The following CACNA2D4 variants were observed in gnomAD, a reference collection of about 807,000 sequenced individuals.
The protein encoded by CACNA2D4 is calcium voltage-gated channel auxiliary subunit alpha2delta 4.
In CACNA2D4, 157 loss-of-function variants were observed where a neutral mutation model predicts 163.8. That is an observed-to-expected ratio of 0.96 (90% CI 0.84 to 1.09). The LOEUF is 1.09. CACNA2D4 is among the 50% of genes least tolerant of loss of function. The pLI is 0.00. For synonymous variants in CACNA2D4, 598 were observed against 586.9 expected (o/e 1.02, Z -0.27); for missense variants, 1,410 against 1,479.9 (o/e 0.95, Z 0.78).
At chr12:1,886,091 G>T in intron 8 of CACNA2D4, 52 bp from the exon 9 acceptor site, 9 of 1,558,270 alleles carry the variant, frequency 5.8e-6, no homozygotes, top group Non-Finnish European at 8.0e-6. Flanking sequence ...ACAGCATCAG[G>T]TTGCAAAGTC....
Position 1,833,132 on chromosome 12 carries a change from C to T in CACNA2D4, c.2551+7607G>A, listed in dbSNP as rs1001581618. 7.2e-5 allele frequency among the ~76,000 whole-genome samples: 11 copies of T among 152,184 alleles called. No homozygotes were observed. The highest frequency in any genetic ancestry group is 1.3e-4 in the Non-Finnish European group (9 of 68,026). On this transcript the variant is annotated intron_variant, in intron 26 of 37. Transcript: ENST00000382722. This position sits in a 1 kb window ranked among gnomAD's most constrained non-coding sequence, Gnocchi z 4.2. ...TGCAGTTTTCAGACTTTTTCAATAG[C>T]GGAGTTGCTTTCAACATTGCATTTC...
intron 6 of CACNA2D4, among the ~76,000 whole-genome samples, chr12:1,893,404 A>G (rs974318017): frequency 6.6e-6 from 1 of 152,160 alleles, no homozygotes; most frequent in African/African-American, 2.4e-5. Flanking sequence ...CTGTAATCCC[A>G]GCTACTTGGG....
At chr12:1,847,596 AC>A (rs1271005255) in intron 23 of CACNA2D4, among the ~76,000 whole-genome samples, 2 of 152,174 alleles carry the variant, frequency 1.3e-5, no homozygotes, top group African/African-American at 2.4e-5. Context: ...CTCGAGCTGC[AC>A]AGAGCCCTGC....
At chr12:1,840,089 G>T (rs1332517917) in intron 26 of CACNA2D4, among the ~76,000 whole-genome samples, 1 of 152,168 alleles carries the variant, frequency 6.6e-6, no homozygotes, top group South Asian at 2.1e-4. Flanking sequence ...AGCGCACTCT[G>T]GTTGAACAGG....
intron 6 of CACNA2D4, among the ~76,000 whole-genome samples, chr12:1,893,912 A>G (rs866920659): frequency 3.3e-5 from 5 of 152,190 alleles, no homozygotes; most frequent in African/African-American, 1.2e-4. Context: ...ATACTGGAAC[A>G]GAAACAAACA....
At chr12:1,800,900 G>A in intron 31 of CACNA2D4, 143 bp downstream of exon 31, 4 of 721,766 alleles carry the variant, frequency 5.5e-6, no homozygotes, top group Non-Finnish European at 4.7e-6. Flanking sequence ...CAGTGGCTCT[G>A]AGCAGAAGAT....
intron 26 of CACNA2D4, among the ~76,000 whole-genome samples, chr12:1,838,296 G>A (rs771595016): frequency 2.6e-5 from 4 of 152,098 alleles, no homozygotes; most frequent in East Asian, 3.9e-4. Context: ...CTGAGTGCCC[G>A]TCTCCTACCT....
intron 23 of CACNA2D4, among the ~76,000 whole-genome samples, chr12:1,850,141 C>T (rs1462925996): frequency 1.3e-5 from 2 of 152,196 alleles, no homozygotes; most frequent in Non-Finnish European, 2.9e-5. Context: ...TTGTGCTAGA[C>T]GTCATCAAAT....
intron 22 of CACNA2D4, 80 bp from the exon 23 acceptor site, chr12:1,854,124 G>T: frequency 9.7e-7 from 1 of 1,030,580 alleles, no homozygotes; most frequent in Non-Finnish European, 1.4e-6. Context: ...TAAGTTCAGG[G>T]AGAAGATGTG....
intron 3 of CACNA2D4, among the ~76,000 whole-genome samples, chr12:1,911,042 G>A (rs1272765109): frequency 2.1e-5 from 1 of 48,420 alleles, no homozygotes. Context: ...TTTTTTTTTT[G>A]AGATGGAGTC....
rs758961705 is a variant in CACNA2D4 at position 1,884,802 on chromosome 12, G to A, written c.1238C>T (p.Pro413Leu). The A allele has an allele frequency of 1.6e-5, 26 of 1,613,656 alleles. No homozygotes were observed. The highest frequency in any genetic ancestry group is 7.7e-5 in the South Asian group (7 of 91,024). ...TGGCCAGTTATACTTCTCAAACACC[G>A]GCTCGTAGTCCTCCACGGCGCCGTC... is the stretch of plus-strand genomic sequence containing the variant. ...ISDGAVEDYEPVFEKYNWPDC... is the reference protein window; with the variant it reads ...ISDGAVEDYELVFEKYNWPDC... Residue 413 changes from proline to leucine, a missense_variant, in exon 11 of 38, where the codon CCG (proline) becomes CTG (leucine). Pro to Leu is a moderately conservative substitution (Grantham distance 98). Coordinates refer to ENST00000382722, the MANE Select transcript of CACNA2D4 (RefSeq NM_172364.5).
At chr12:1,846,311 C>T (rs1294260776) in intron 24 of CACNA2D4, among the ~76,000 whole-genome samples, 3 of 152,210 alleles carry the variant, frequency 2.0e-5, no homozygotes, top group Non-Finnish European at 4.4e-5. Context: ...CGGCCTCCAT[C>T]CTGTTCTAGG....
rs1863256517 is a variant in CACNA2D4, at chr12:1,800,001, C to T, written c.2973G>A (p.Glu991=). 1.2e-6 allele frequency: 2 copies of T among 1,603,384 alleles called. No homozygotes were observed. Among genetic ancestry groups the T allele is most frequent in the South Asian group, 2.3e-5 (2 of 88,828 alleles). The change falls in exon 33 of 38, where the codon GAG becomes GAA. Residue 991 remains glutamate (E), a splice_region_variant and synonymous_variant. Coordinates refer to ENST00000382722, the MANE Select transcript of CACNA2D4 (RefSeq NM_172364.5). ...GGCCCTGCAGCTCCGTGCACTCACC[C>T]TCGGCCCCTCTGTCGTACCAGGAGC... ...VWGSWYDRGA[E]AKSVFHHSHK...
intron 26 of CACNA2D4, chr12:1,830,907 C>G: frequency 6.4e-7 from 1 of 1,561,156 alleles, no homozygotes; most frequent in Non-Finnish European, 8.7e-7. Flanking sequence ...CTATTGCTTT[C>G]TTTCCCCCGT....
intron 32 of CACNA2D4, 75 bp downstream of exon 32, chr12:1,800,311 C>T (rs1863269009): frequency 1.3e-6 from 2 of 1,507,892 alleles, no homozygotes; most frequent in Admixed American, 1.7e-5. Context: ...ACCTTGCAGC[C>T]TCCTGCTCAA....
intron 37 of CACNA2D4, chr12:1,795,097 C>G (rs1295302178): frequency 3.4e-6 from 2 of 587,742 alleles, no homozygotes; most frequent in East Asian, 2.8e-5. Flanking sequence ...TGCCAGGAAT[C>G]AGGACAAAGA....
chr12:1,826,219 C>T (rs1244884237), intron 26 of CACNA2D4, among the ~76,000 whole-genome samples: 1 of 152,174 alleles, frequency 6.6e-6, no homozygotes, highest in Non-Finnish European at 1.5e-5. Context: ...GCAGGAGCCT[C>T]TGCCTGAATT....
At chr12:1,800,892 G>C in intron 31 of CACNA2D4, 151 bp downstream of exon 31, 1 of 682,924 alleles carries the variant, frequency 1.5e-6, no homozygotes. Context: ...ACTGAGAGCA[G>C]TGGCTCTGAG....
At chr12:1,800,361 C>G in intron 32 of CACNA2D4, 25 bp downstream of exon 32, 1 of 1,613,132 alleles carries the variant, frequency 6.2e-7, no homozygotes, top group Non-Finnish European at 8.5e-7. Context: ...AGCCCTCCAC[C>G]AGCCCCGTGT....
Sources: allele counts gnomAD v4.1 joint callset (sites outside exome capture counted in the v4.1 genomes callset), GRCh38; gene constraint gnomAD v4.1.1; non-coding constraint Gnocchi (gnomAD v3.1); transcripts MANE v1.5; gene names NCBI Gene and HGNC (gene_info 2026-07-23, HGNC 2026-07-21).